CDS2: variants seen among roughly 807,000 people sequenced by gnomAD.
The protein encoded by CDS2 is phosphatidate cytidylyltransferase 2.
CDS2 carries 47 observed loss-of-function variants against 59.0 expected under a neutral mutation model. The observed-to-expected ratio is 0.80, with a 90% confidence interval of 0.63 to 1.02. CDS2 has a LOEUF of 1.02. Among genes scored for constraint, CDS2 ranks in the 50% least tolerant of loss-of-function variants. The pLI, the probability that CDS2 is intolerant of heterozygous loss-of-function variation, is 0.00. For missense variants in CDS2, 356 were observed against 558.9 expected (o/e 0.64, Z 3.66); for synonymous variants, 207 against 206.4 (o/e 1.00, Z -0.02).
chr20:5,185,720 A>G, intron 8 of CDS2, 38 bp from the exon 9 acceptor site: 2 of 1,594,674 alleles, frequency 1.3e-6, no homozygotes, highest in South Asian at 1.1e-5. Context: ...TATAGTTATC[A>G]AAACACCCTT....
intron 9 of CDS2, 93 bp from the exon 10 acceptor site, chr20:5,186,594 C>T: frequency 4.0e-6 from 5 of 1,254,372 alleles, no homozygotes; most frequent in East Asian, 2.3e-5. Context: ...GGGTACTAGG[C>T]ACCCTCAGGA....
chr20:5,154,693 G>C (rs1367037555), intron 1 of CDS2, among the ~76,000 whole-genome samples: 1 of 152,190 alleles, frequency 6.6e-6, no homozygotes, highest in Admixed American at 6.5e-5. Flanking sequence ...TGTCACCCAG[G>C]TGGGACTGCA....
chr20:5,171,215 C>G (rs899623146), intron 1 of CDS2, among the ~76,000 whole-genome samples: 7 of 152,242 alleles, frequency 4.6e-5, no homozygotes, highest in Non-Finnish European at 7.3e-5. Context: ...CTGGAGCTGC[C>G]TGCTCCTCCC....
At chr20:5,162,152 C>T (rs557805738) in intron 1 of CDS2, among the ~76,000 whole-genome samples, 113 of 152,226 alleles carry the variant, frequency 7.4e-4, no homozygotes, top group African/African-American at 2.6e-3. Flanking sequence ...TGTCCAGTAC[C>T]TGGGGGAAGA....
intron 1 of CDS2, among the ~76,000 whole-genome samples, chr20:5,163,064 C>G (rs2090886724): frequency 6.6e-6 from 1 of 152,086 alleles, no homozygotes; most frequent in Non-Finnish European, 1.5e-5. Context: ...AATTTGATGG[C>G]CAGGTACTGT....
At chr20:5,189,459 GAGGCCAAGGC>G (rs1428384793) in intron 11 of CDS2, among the ~76,000 whole-genome samples, 1 of 152,200 alleles carries the variant, frequency 6.6e-6, no homozygotes, top group Admixed American at 6.5e-5. Flanking sequence ...AGCACTTTAA[GAGGCCAAGGC>G]GGGAGGATCA....
chr20:5,140,546 T>C (rs2090685167), intron 1 of CDS2, among the ~76,000 whole-genome samples: 1 of 152,228 alleles, frequency 6.6e-6, no homozygotes, highest in Admixed American at 6.5e-5. Context: ...GTCTGTTTTC[T>C]CACCTGAACA....
At chr20:5,144,388 G>C (rs1239029589) in intron 1 of CDS2, among the ~76,000 whole-genome samples, 1 of 152,088 alleles carries the variant, frequency 6.6e-6, no homozygotes, top group Non-Finnish European at 1.5e-5. Context: ...ATATTATATG[G>C]CCCCCCTAGT....
chr20:5,174,508 G>A (rs1219204679), intron 2 of CDS2, among the ~76,000 whole-genome samples: 14 of 152,116 alleles, frequency 9.2e-5, no homozygotes, highest in South Asian at 4.1e-4. Context: ...AGGCCGAGGC[G>A]GGTGGATCAG....
chr20:5,148,878 A>AT (rs1331494994), intron 1 of CDS2, among the ~76,000 whole-genome samples: 2 of 151,982 alleles, frequency 1.3e-5, no homozygotes, highest in African/African-American at 2.4e-5. Context: ...CGGTACAGAG[A>AT]TTTTTTTTCA....
Position 5,196,694 on chromosome 20 carries a change from A to G in CDS2, c.*6460A>G, listed in dbSNP as rs1267040392. The stretch of plus-strand genomic sequence containing the variant: ...GTTTTCTAGCAGGCAGAATGTGCAT[A>G]CATGTTTTCATGAGTGTCCTTTGGG... On this transcript the variant is annotated 3_prime_UTR_variant, in exon 13 of 13. Coordinates refer to ENST00000460006, the MANE Select transcript of CDS2 (RefSeq NM_003818.4). 6.6e-6 allele frequency: 1 copy of G among 152,264 alleles called. No homozygotes were observed. The highest frequency in any genetic ancestry group is 2.4e-5 in the African/African-American group (1 of 41,462). 9.4% of individuals were successfully genotyped at this position (152,264 alleles called of 1,614,324 possible).
At position 5,174,464 on chromosome 20, in the gene CDS2, T is replaced by C. The variant is rs528490996; in HGVS notation, c.195-719T>C. On this transcript the variant is annotated intron_variant, in intron 2 of 12. Transcript: ENST00000460006. ...AAAATTACCTTACTCAGGCCGGGTA[T>C]GGTGGCTCACGCCTGTAATTCCAGC... 3.3e-5 allele frequency among the ~76,000 whole-genome samples: 5 copies of C among 152,264 alleles called. No individual in the cohort carries two copies. In the South Asian group the frequency reaches 1.0e-3, roughly 32 times the overall value.
intron 1 of CDS2, among the ~76,000 whole-genome samples, chr20:5,173,203 G>A (rs113203585): frequency 6.2e-4 from 95 of 152,304 alleles, no homozygotes; most frequent in African/African-American, 2.1e-3. Flanking sequence ...TGTTAAAACC[G>A]GTCCCAGCCT....
chr20:5,189,944 C>T, intron 12 of CDS2, 106 bp downstream of exon 12: 1 of 1,313,260 alleles, frequency 7.6e-7, no homozygotes, highest in South Asian at 1.3e-5. Context: ...CCAAATAATG[C>T]AGTTTTCAGT....
rs1162934858 is a variant in CDS2, at chr20:5,184,871, A to G, written c.685A>G (p.Ile229Val). 3 of 1,613,700 alleles carry G rather than the reference A, an allele frequency of 1.9e-6. No homozygotes were observed. The highest frequency in any genetic ancestry group is 2.5e-6 in the Non-Finnish European group (3 of 1,179,762). The change falls in exon 8 of 13, where the codon ATA (isoleucine) becomes GTA (valine). Residue 229 changes from isoleucine (I) to valine (V), a missense_variant. This residue lies in a region of CDS2 where 87 missense variants were observed against 193.3 expected (regional missense o/e 0.45). Transcript: ENST00000460006. This position sits in a 1 kb window ranked among gnomAD's most constrained non-coding sequence, Gnocchi z 4.3. Reference sequence around the variant, plus strand: ...GTTCATTTCTAGGTTCATTGTCCCCATATCTTGTGTGATCTGTAATGACAT... The same window carrying G: ...GTTCATTTCTAGGTTCATTGTCCCCGTATCTTGTGTGATCTGTAATGACAT... Reference protein sequence around the residue: ...FEGMIWFIVPISCVICNDIMA... With the variant: ...FEGMIWFIVPVSCVICNDIMA...
chr20:5,147,400 A>G (rs1215175903), intron 1 of CDS2, among the ~76,000 whole-genome samples: 4 of 152,100 alleles, frequency 2.6e-5, no homozygotes, highest in Non-Finnish European at 5.9e-5. Context: ...GATAGGAAAG[A>G]GGGGGGTCAA....
intron 1 of CDS2, among the ~76,000 whole-genome samples, chr20:5,129,339 C>T (rs578066154): frequency 2.0e-5 from 3 of 151,572 alleles, no homozygotes; most frequent in South Asian, 2.1e-4. Flanking sequence ...TGCAGTGGCA[C>T]GATCTCAGCT....
chr20:5,162,345 A>G (rs546371137), intron 1 of CDS2, among the ~76,000 whole-genome samples: 4 of 152,296 alleles, frequency 2.6e-5, no homozygotes, highest in Admixed American at 2.6e-4. Context: ...CCAAATTCTG[A>G]AAAGAACTCT....
chr20:5,140,640 C>T (rs1304451826), intron 1 of CDS2, among the ~76,000 whole-genome samples: 2 of 152,118 alleles, frequency 1.3e-5, no homozygotes, highest in South Asian at 2.1e-4. Flanking sequence ...TCTTAGAGCT[C>T]AAGTAGTTGA....
Sources: gnomAD v4.1 joint callset for allele counts (sites outside exome capture counted in the v4.1 genomes callset) on GRCh38, gnomAD v4.1.1 for gene constraint, gnomAD v4.1.1 regional missense constraint, Gnocchi (gnomAD v3.1) non-coding constraint, MANE v1.5 for transcripts, NCBI Gene and HGNC (gene_info 2026-07-23, HGNC 2026-07-21) for gene names.